Variants in ENTREP2 observed in about 807,000 individuals in gnomAD.
The protein encoded by ENTREP2 is protein ENTREP2.
At chr15:29,136,232 C>A in the ENTREP2 span, 1 of 949,212 alleles carries the variant, frequency 1.1e-6, no homozygotes, top group Non-Finnish European at 1.5e-6. Flanking sequence ...GGCCTCGGCA[C>A]AGGGCGCTCA....
the ENTREP2 span, among the ~76,000 whole-genome samples, chr15:29,159,480 A>G: frequency 1.3e-5 from 2 of 152,170 alleles, no homozygotes; most frequent in Admixed American, 6.5e-5. Flanking sequence ...GCCTGCTTTT[A>G]TTCTTATCTG....
chr15:29,564,085 T>G, the ENTREP2 span, among the ~76,000 whole-genome samples: 1 of 152,270 alleles, frequency 6.6e-6, no homozygotes, highest in South Asian at 2.1e-4. Flanking sequence ...TCCTGATCTA[T>G]TAGGAGGAAG....
At chr15:29,511,618 C>T in the ENTREP2 span, among the ~76,000 whole-genome samples, 1 of 151,758 alleles carries the variant, frequency 6.6e-6, no homozygotes, top group Non-Finnish European at 1.5e-5. Flanking sequence ...TGAGCCACCA[C>T]ACCCGACTGA....
chr15:29,588,823 C>A, the ENTREP2 span, among the ~76,000 whole-genome samples: 1 of 151,528 alleles, frequency 6.6e-6, no homozygotes, highest in African/African-American at 2.4e-5. Flanking sequence ...CCTGTCTCTA[C>A]AAAAAATACA....
At chr15:29,569,307 C>A in the ENTREP2 span, among the ~76,000 whole-genome samples, 3 of 152,130 alleles carry the variant, frequency 2.0e-5, no homozygotes, top group Non-Finnish European at 2.9e-5. Context: ...CTGTATCGAT[C>A]GAGGTGTTCC....
the ENTREP2 span, among the ~76,000 whole-genome samples, chr15:29,450,926 GA>G: frequency 6.6e-5 from 10 of 151,936 alleles, no homozygotes; most frequent in Non-Finnish European, 1.5e-4. Flanking sequence ...AGAAAGAGGG[GA>G]ACAACAGACT....
the ENTREP2 span, among the ~76,000 whole-genome samples, chr15:29,474,870 C>CG: frequency 6.6e-6 from 1 of 152,080 alleles, no homozygotes; most frequent in Admixed American, 6.6e-5. Flanking sequence ...GTCATTTCTT[C>CG]GGGGGATCTT....
chr15:29,268,392 TAA>T, the ENTREP2 span: 1 of 174,840 alleles, frequency 5.7e-6, no homozygotes, highest in Non-Finnish European at 1.2e-5. Flanking sequence ...TTTAATTTTA[TAA>T]AAACTTTTAT....
chr15:29,531,889 C>T, the ENTREP2 span, among the ~76,000 whole-genome samples: 1 of 152,192 alleles, frequency 6.6e-6, no homozygotes, highest in African/African-American at 2.4e-5. Context: ...TGGTCTCAAA[C>T]CCCTGACCTC....
the ENTREP2 span, among the ~76,000 whole-genome samples, chr15:29,641,832 A>C: frequency 9.7e-6 from 1 of 102,926 alleles, no homozygotes. Flanking sequence ...ACTCTGTCTC[A>C]AAAAAAAAAA....
At chr15:29,370,624 T>C in the ENTREP2 span, among the ~76,000 whole-genome samples, 128 of 152,116 alleles carry the variant, frequency 8.4e-4, 3 homozygotes, top group East Asian at 0.012. Flanking sequence ...TGGCTGCATA[T>C]TGAAATGATC....
At chr15:29,199,825 T>C in the ENTREP2 span, among the ~76,000 whole-genome samples, 4 of 152,238 alleles carry the variant, frequency 2.6e-5, no homozygotes, top group Non-Finnish European at 4.4e-5. Flanking sequence ...CTTTCTCCTA[T>C]GTTTTTTCTA....
the ENTREP2 span, among the ~76,000 whole-genome samples, chr15:29,555,720 A>T: frequency 6.6e-6 from 1 of 152,168 alleles, no homozygotes; most frequent in Admixed American, 6.5e-5. Flanking sequence ...CCAGGAAGAA[A>T]GGCACCAAGC....
the ENTREP2 span, among the ~76,000 whole-genome samples, chr15:29,325,274 T>C: frequency 7.9e-5 from 12 of 151,780 alleles, no homozygotes; most frequent in South Asian, 6.2e-4. Context: ...CTTAGGAAAC[T>C]AGAGAGAGAA....
chr15:29,535,367 C>A, the ENTREP2 span, among the ~76,000 whole-genome samples: 1 of 151,102 alleles, frequency 6.6e-6, no homozygotes, highest in Admixed American at 6.6e-5. Context: ...TGATAAAAGA[C>A]AATAGTTTCA....
At chr15:29,528,382 G>A in the ENTREP2 span, among the ~76,000 whole-genome samples, 1 of 151,604 alleles carries the variant, frequency 6.6e-6, no homozygotes, top group African/African-American at 2.4e-5. Flanking sequence ...GAAGCTGCAT[G>A]TCCTTCCAAA....
At chr15:29,343,086 A>G in the ENTREP2 span, among the ~76,000 whole-genome samples, 1 of 151,596 alleles carries the variant, frequency 6.6e-6, no homozygotes, top group South Asian at 2.1e-4. Context: ...TGTGAAGTGG[A>G]AAAAGCGAAG....
the ENTREP2 span, among the ~76,000 whole-genome samples, chr15:29,449,366 T>C: frequency 2.0e-5 from 3 of 152,216 alleles, no homozygotes; most frequent in Non-Finnish European, 4.4e-5. Flanking sequence ...AGGGGTCAGC[T>C]TGGGGAGGCC....
chr15:29,661,119 G>T, the ENTREP2 span, among the ~76,000 whole-genome samples: 2 of 152,306 alleles, frequency 1.3e-5, no homozygotes, highest in Non-Finnish European at 2.9e-5. Context: ...CAAGGCCAAA[G>T]ATGTTTTAAC....
Sources: gnomAD v4.1 joint callset for allele counts (sites outside exome capture counted in the v4.1 genomes callset) on GRCh38, gnomAD v4.1.1 for gene constraint, MANE v1.5 for transcripts, NCBI Gene and HGNC (gene_info 2026-07-23, HGNC 2026-07-21) for gene names.